The following MAPK10 variants were observed in gnomAD, a reference collection of about 807,000 sequenced individuals.
MAPK10 encodes the protein mitogen-activated protein kinase 10, also known as JNK3 alpha protein kinase.
MAPK10 carries 25 observed loss-of-function variants against 59.3 expected under a neutral mutation model. The observed-to-expected ratio is 0.42, with a 90% confidence interval of 0.31 to 0.59. The LOEUF is 0.59. MAPK10 is among the 20% of genes least tolerant of loss of function. The pLI is 0.15. For missense variants in MAPK10, 351 were observed against 568.9 expected (o/e 0.62, Z 3.90); for synonymous variants, 190 against 200.5 (o/e 0.95, Z 0.44).
rs1239127971 is a variant in MAPK10, at chr4:86,164,719, CT to C, written c.67-5253del. 3.9e-5 allele frequency among the ~76,000 whole-genome samples: 6 copies of C among 152,264 alleles called. No homozygotes were observed. In the East Asian group the frequency reaches 9.7e-4, roughly 25 times the overall value. ...ATTGCTTACCTACTATAGACATACT[CT>C]TTATTATGTTAAACATGTTAAAGTG... On this transcript the variant is annotated intron_variant, in intron 3 of 13. Transcript: ENST00000641462.
intron 1 of MAPK10, among the ~76,000 whole-genome samples, chr4:86,401,331 A>G (rs1234579945): frequency 6.6e-6 from 1 of 152,194 alleles, no homozygotes; most frequent in Non-Finnish European, 1.5e-5. Flanking sequence ...GGCATCAGCA[A>G]TAATGGTTTG....
At chr4:86,358,159 G>C (rs149389144) in intron 1 of MAPK10, 239 of 983,804 alleles carry the variant, frequency 2.4e-4, no homozygotes, top group Admixed American at 3.7e-4. Context: ...AGAAGCTTGT[G>C]ATATACTTAT....
upstream of MAPK10, among the ~76,000 whole-genome samples, chr4:86,364,203 T>C (rs571229165): frequency 6.6e-6 from 1 of 152,154 alleles, no homozygotes; most frequent in Non-Finnish European, 1.5e-5. Flanking sequence ...CTCAGCTCAC[T>C]GTAGCCTCAA....
chr4:86,060,869 T>C (rs2148980055), intron 11 of MAPK10, among the ~76,000 whole-genome samples: 1 of 152,244 alleles, frequency 6.6e-6, no homozygotes, highest in Non-Finnish European at 1.5e-5. Context: ...AAAAGAAATG[T>C]TGTGGAATAT....
chr4:86,333,146 C>T (rs6847482), intron 2 of MAPK10, among the ~76,000 whole-genome samples: 2,967 of 151,790 alleles, frequency 0.02, 81 homozygotes, highest in African/African-American at 0.067. Flanking sequence ...AATTCAATAA[C>T]ATATAATCAA....
rs769745471 is a variant in MAPK10, at chr4:86,093,774, G to T, written c.802+4750C>A. Among the ~76,000 whole-genome samples the T allele has an allele frequency of 4.0e-4, 61 of 151,876 alleles. No homozygotes were observed. In the Middle Eastern group the frequency reaches 0.017, roughly 42 times the overall value. On this transcript the variant is annotated intron_variant, in intron 9 of 13. Coordinates refer to ENST00000641462, the MANE Select transcript of MAPK10 (RefSeq NM_138982.4). ...CTCAGAATCTCCAGCTCCCATTCTG[G>T]TGAACCCTGCCTCACATTTTCATAA...
At chr4:86,181,805 G>A (rs1194983548) in intron 3 of MAPK10, among the ~76,000 whole-genome samples, 1 of 152,090 alleles carries the variant, frequency 6.6e-6, no homozygotes, top group East Asian at 1.9e-4. Flanking sequence ...AATGCGGTAA[G>A]TGCTGTAGAC....
chr4:86,187,843 T>C (rs2078648084), intron 3 of MAPK10, among the ~76,000 whole-genome samples: 1 of 152,154 alleles, frequency 6.6e-6, no homozygotes. Flanking sequence ...TAGGTATACA[T>C]GTGCCATGGT....
chr4:86,272,867 T>C (rs2094473517), intron 2 of MAPK10, among the ~76,000 whole-genome samples: 1 of 152,106 alleles, frequency 6.6e-6, no homozygotes, highest in South Asian at 2.1e-4. Context: ...TTACATCATC[T>C]GCTGCTCTTA....
chr4:86,517,468 G>C (rs1756775575), intron 1 of MAPK10, among the ~76,000 whole-genome samples: 1 of 151,622 alleles, frequency 6.6e-6, no homozygotes, highest in African/African-American at 2.4e-5. Flanking sequence ...GTAGAGACAG[G>C]GTTTCACCGT....
chr4:86,474,883 C>T (rs1320038171), intron 1 of MAPK10, among the ~76,000 whole-genome samples: 1 of 152,178 alleles, frequency 6.6e-6, no homozygotes, highest in Non-Finnish European at 1.5e-5. Flanking sequence ...TTTAAATGGC[C>T]TGTTCCTGCC....
intron 1 of MAPK10, among the ~76,000 whole-genome samples, chr4:86,517,997 TTTTG>T (rs1272086975): frequency 3.3e-5 from 5 of 152,120 alleles, no homozygotes; most frequent in Admixed American, 6.6e-5. Flanking sequence ...TCTTCCTGTT[TTTTG>T]TTTGTTTTTT....
intron 1 of MAPK10, among the ~76,000 whole-genome samples, chr4:86,405,094 T>A: frequency 6.6e-6 from 1 of 152,178 alleles, no homozygotes; most frequent in East Asian, 1.9e-4. Context: ...GCTTACTGTC[T>A]GCTATCATGG....
intron 2 of MAPK10, among the ~76,000 whole-genome samples, chr4:86,353,097 T>G (rs551793378): frequency 6.6e-6 from 1 of 152,224 alleles, no homozygotes; most frequent in African/African-American, 2.4e-5. Flanking sequence ...AAAGATCCCT[T>G]CCTCTGGGAA....
intron 2 of MAPK10, among the ~76,000 whole-genome samples, chr4:86,338,367 C>T (rs182208799): frequency 1.2e-4 from 19 of 152,302 alleles, no homozygotes; most frequent in East Asian, 5.8e-4. Flanking sequence ...CTACGTAGAA[C>T]GCCCCTTTTG....
intron 1 of MAPK10, among the ~76,000 whole-genome samples, chr4:86,418,069 A>C (rs1746078539): frequency 6.6e-6 from 1 of 152,174 alleles, no homozygotes; most frequent in Admixed American, 6.6e-5. Context: ...GTCTGCTACA[A>C]ATAAACAAAC....
chr4:86,244,504 C>G lies in MAPK10; in HGVS notation c.-6-50097G>C, dbSNP rs140348598. Among the ~76,000 whole-genome samples the G allele has an allele frequency of 1.9e-3, 285 of 152,268 alleles. 2 individuals carry two copies. Among genetic ancestry groups the G allele is most frequent in the African/African-American group, 6.6e-3 (276 of 41,558 alleles). On this transcript the variant is annotated intron_variant, in intron 2 of 13. Coordinates refer to ENST00000641462, the MANE Select transcript of MAPK10 (RefSeq NM_138982.4). ...CTTATGTCTCTATTTAATGATGCAT[C>G]AAATGAAGGTCGAGTTCTAGTGTTT...
At chr4:86,208,272 C>T (rs928767804) in intron 2 of MAPK10, among the ~76,000 whole-genome samples, 40 of 151,304 alleles carry the variant, frequency 2.6e-4, no homozygotes, top group Non-Finnish European at 5.6e-4. Context: ...CAAAGCCGGG[C>T]AGAGACACAA....
chr4:86,141,257 A>T lies in MAPK10; in HGVS notation c.236+18041T>A, dbSNP rs115165848. Among the ~76,000 whole-genome samples the T allele has an allele frequency of 4.0e-3, 602 of 152,336 alleles. 6 individuals carry two copies. The highest frequency in any genetic ancestry group is 0.014 in the African/African-American group (579 of 41,582). On this transcript the variant is annotated intron_variant, in intron 4 of 13. Transcript: ENST00000641462. Reference sequence around the variant, plus strand: ...AACATGACACTGGTATCTTACAAAAAATATTAAAATGATAGTCCTATGGTG... The same window carrying T: ...AACATGACACTGGTATCTTACAAAATATATTAAAATGATAGTCCTATGGTG...
Sources: allele counts gnomAD v4.1 joint callset (sites outside exome capture counted in the v4.1 genomes callset), GRCh38; gene constraint gnomAD v4.1.1; transcripts MANE v1.5; gene names NCBI Gene and HGNC (gene_info 2026-07-23, HGNC 2026-07-21).